PLXND1: variants seen among roughly 807,000 people sequenced by gnomAD.
The protein encoded by PLXND1 is plexin D1.
In PLXND1, 54 loss-of-function variants were observed where a neutral mutation model predicts 197.7. The ratio of observed to expected loss-of-function variants is 0.27; its 90% CI spans 0.22 to 0.34. The LOEUF (loss-of-function observed/expected upper bound fraction) is 0.34. Among genes scored for constraint, PLXND1 ranks in the 10% least tolerant of loss-of-function variants. The pLI is 1.00. For missense variants in PLXND1, 2,127 were observed against 2,699.2 expected, an observed-to-expected ratio of 0.79 and a Z score of 4.70; for synonymous variants, 1,180 against 1,161.2, an observed-to-expected ratio of 1.02 and a Z score of -0.33.
At chr3:129,574,513 G>C (rs532708409) in intron 11 of PLXND1, 23 bp from the exon 12 acceptor site, 2 of 1,607,546 alleles carry the variant, frequency 1.2e-6, no homozygotes, top group African/African-American at 1.3e-5. Context: ...GGGGCAGCTC[G>C]GTCAGCCCCG....
chr3:129,589,214 A>C, intron 2 of PLXND1, 137 bp downstream of exon 2: 1 of 696,530 alleles, frequency 1.4e-6, no homozygotes, highest in South Asian at 1.9e-5. Flanking sequence ...TGTAAACTGT[A>C]AAGTGCTAGG....
intron 27 of PLXND1, chr3:129,562,404 G>T (rs1157860885): frequency 4.3e-6 from 1 of 234,282 alleles, no homozygotes; most frequent in African/African-American, 2.2e-5. Flanking sequence ...CAGCTACTCA[G>T]GAGGCTGAAA....
intron 1 of PLXND1, among the ~76,000 whole-genome samples, chr3:129,598,183 T>G (rs990784153): frequency 6.6e-6 from 1 of 152,130 alleles, no homozygotes; most frequent in African/African-American, 2.4e-5. Context: ...CATTCCAACA[T>G]CTCTGAGCCT....
chr3:129,595,921 G>GCGCGCGCGCACACACACACA lies in PLXND1; in HGVS notation c.1312-6395_1312-6394insTGTGTGTGTGTGCGCGCGCG. 2.0e-5 allele frequency among the ~76,000 whole-genome samples: 3 copies of GCGCGCGCGCACACACACACA among 146,514 alleles called. No homozygotes were observed. In the South Asian group the frequency reaches 6.6e-4, roughly 32 times the overall value. ...CTTACAGCCCTGGGGGTGCACGCAC[G>GCGCGCGCGCACACACACACA]CACACACACACACACACACACACAC... On this transcript the variant is annotated intron_variant, in intron 1 of 35. Transcript: ENST00000324093.
At position 129,605,507 on chromosome 3, in the gene PLXND1, G is replaced by A. The variant is rs2085775957; in HGVS notation, c.1133C>T (p.Ser378Phe). 3 of 1,497,392 alleles carry A rather than the reference G, an allele frequency of 2.0e-6. No homozygotes were observed. The highest frequency in any genetic ancestry group is 2.7e-5 in the East Asian group (1 of 36,934). 92.8% of individuals were successfully genotyped at this position (1,497,392 alleles called of 1,614,324 possible). A position where few individuals can be genotyped will look rare whatever the true frequency, so the allele number is the denominator to read the frequency against. ...LFAVFERPQGSPAARAAPAAL... is the reference protein window; with the variant it reads ...LFAVFERPQGFPAARAAPAAL... ...GGCCGGAGCAGCGCGGGCCGCGGGG[G>A]ACCCCTGGGGCCGCTCGAAGACAGC... Residue 378 changes from serine (S) to phenylalanine (F), a missense_variant, in exon 1 of 36, where the codon TCC (serine) becomes TTC (phenylalanine). Physicochemically the swap from Ser to Phe is radical, Grantham distance 155 (BLOSUM62 -2). Coordinates refer to ENST00000324093, the MANE Select transcript of PLXND1 (RefSeq NM_015103.3).
At chr3:129,579,844 C>T (rs909933541) in intron 8 of PLXND1, among the ~76,000 whole-genome samples, 1 of 152,170 alleles carries the variant, frequency 6.6e-6, no homozygotes, top group East Asian at 1.9e-4. Flanking sequence ...TATTCTACAC[C>T]AGATGAGAGC....
chr3:129,582,072 C>T (rs2085395461), intron 8 of PLXND1, among the ~76,000 whole-genome samples: 1 of 152,264 alleles, frequency 6.6e-6, no homozygotes, highest in Admixed American at 6.5e-5. Context: ...TTTCACTGCA[C>T]CGACTCCACT....
Position 129,605,969 on chromosome 3 carries a change from T to G in PLXND1, c.671A>C (p.Asn224Thr), listed in dbSNP as rs771848852. The change falls in exon 1 of 36, where the codon AAC (asparagine) becomes ACC (threonine). Residue 224 changes from asparagine (N) to threonine (T), a missense_variant. Asn to Thr is a moderately conservative substitution (Grantham distance 65). Transcript: ENST00000324093. ...TGYGSSFFPRNRSLEDHRFEN... is the reference protein window; with the variant it reads ...TGYGSSFFPRTRSLEDHRFEN... ...GAAGCGGTGGTCCTCCAGGCTGCGGTTGCGCGGGAAGAAGGAGCTGCCGTA... is the reference window on the plus strand; with the variant it reads ...GAAGCGGTGGTCCTCCAGGCTGCGGGTGCGCGGGAAGAAGGAGCTGCCGTA... The G allele has an allele frequency of 4.3e-6, 7 of 1,611,556 alleles. No individual in the cohort carries two copies. In the South Asian group the frequency reaches 7.7e-5, roughly 18 times the overall value.
chr3:129,589,315 CCCCCACCCCCT>C, intron 2 of PLXND1, 25 bp downstream of exon 2: 1 of 605,724 alleles, frequency 1.7e-6, no homozygotes, highest in Non-Finnish European at 2.9e-6. Context: ...GAGCCTCCCA[CCCCCACCCCCT>C]CCCCACATCC....
chr3:129,601,121 C>T (rs994026826), intron 1 of PLXND1, among the ~76,000 whole-genome samples: 1 of 152,180 alleles, frequency 6.6e-6, no homozygotes, highest in Non-Finnish European at 1.5e-5. Context: ...AACTGGCTTG[C>T]ACTCCAAACA....
At chr3:129,556,741 G>T in intron 34 of PLXND1, 50 bp from the exon 35 acceptor site, 1 of 1,373,970 alleles carries the variant, frequency 7.3e-7, no homozygotes. Flanking sequence ...TCAAAGCTGA[G>T]CCTAGTCCCA....
rs181182268 is a variant in PLXND1 at position 129,563,150 on chromosome 3, G to A, written c.4612C>T (p.Arg1538Cys). 5 of 1,612,220 alleles carry A rather than the reference G, an allele frequency of 3.1e-6. No homozygotes were observed. The highest frequency in any genetic ancestry group is 1.7e-5 in the Admixed American group (1 of 59,414). Reference protein sequence around the residue: ...GSIDAITGKARYTLSEEWLLR... With the variant: ...GSIDAITGKACYTLSEEWLLR... ...AGCCACTCCTCACTGAGTGTGTAGC[G>A]GGCCTTGCCTGTGATGGCGTCGATG... is the stretch of plus-strand genomic sequence containing the variant. The change falls in exon 26 of 36, where the codon CGC becomes TGC. Residue 1538 changes from arginine to cysteine, a missense_variant. Physicochemically the swap from Arg to Cys is radical, Grantham distance 180. Coordinates refer to ENST00000324093, the MANE Select transcript of PLXND1 (RefSeq NM_015103.3).
intron 2 of PLXND1, 42 bp downstream of exon 2, chr3:129,589,309 C>CGGGGGGGG: frequency 1.6e-6 from 1 of 643,998 alleles, no homozygotes; most frequent in Non-Finnish European, 2.8e-6. Flanking sequence ...CCAGGGGAGC[C>CGGGGGGGG]TCCCACCCCC....
Position 129,587,741 on chromosome 3 carries a change from A to T in PLXND1, c.1489-1022T>A, listed in dbSNP as rs574391318. ...CCCCAGCTTTATCTCCACCCCCTCA[A>T]CCCTGCTCACACATTCCAGCCTCCA... is the stretch of plus-strand genomic sequence containing the variant. On this transcript the variant is annotated intron_variant, in intron 2 of 35. Transcript: ENST00000324093. Among the ~76,000 whole-genome samples, 3 of 151,872 alleles carry T rather than the reference A, an allele frequency of 2.0e-5. No individual in the cohort carries two copies. The South Asian group carries it at 6.3e-4, about 32-fold the overall frequency.
chr3:129,572,646 C>T lies in PLXND1; in HGVS notation c.3040G>A (p.Val1014Ile). 2 of 1,598,754 alleles carry T rather than the reference C, an allele frequency of 1.3e-6. No individual in the cohort carries two copies. The highest frequency in any genetic ancestry group is 1.7e-6 in the Non-Finnish European group (2 of 1,172,330). Residue 1014 changes from valine to isoleucine, a missense_variant, in exon 15 of 36, where the codon GTC becomes ATC. This residue lies in a region of PLXND1 where 1,095 missense variants were observed against 1,259.8 expected (regional missense o/e 0.87). Coordinates refer to ENST00000324093, the MANE Select transcript of PLXND1 (RefSeq NM_015103.3). The part of the protein sequence containing the change: ...NDLHVGSELQ[V>I]LVNDTDPCTE... ...CAGGGGTCTGTGTCGTTCACCAGGA[C>T]CTGGAGCTCGGAGCCTACATGGAGG...
At chr3:129,583,354 G>A (rs2085411441) in intron 8 of PLXND1, among the ~76,000 whole-genome samples, 1 of 152,096 alleles carries the variant, frequency 6.6e-6, no homozygotes, top group Non-Finnish European at 1.5e-5. Context: ...ATAGTGCCCT[G>A]GCTATATCAA....
At chr3:129,603,087 C>G (rs1353383025) in intron 1 of PLXND1, among the ~76,000 whole-genome samples, 1 of 152,234 alleles carries the variant, frequency 6.6e-6, no homozygotes, top group Non-Finnish European at 1.5e-5. Context: ...GACCGGGGAC[C>G]TTGAGCACCT....
intron 1 of PLXND1, among the ~76,000 whole-genome samples, chr3:129,592,113 C>T (rs961250336): frequency 4.6e-5 from 7 of 152,140 alleles, no homozygotes; most frequent in African/African-American, 7.2e-5. Context: ...CCCCCCCACC[C>T]GAGAGCTGCA....
At chr3:129,566,277 G>C (rs1211101182) in intron 23 of PLXND1, 3 of 596,818 alleles carry the variant, frequency 5.0e-6, no homozygotes, top group Admixed American at 5.8e-5. Context: ...TTTCTAAGCA[G>C]GTTGAGTGGG....
Sources: allele counts gnomAD v4.1 joint callset (sites outside exome capture counted in the v4.1 genomes callset), GRCh38; gene constraint gnomAD v4.1.1; regional missense constraint gnomAD v4.1.1; transcripts MANE v1.5; gene names NCBI Gene and HGNC (gene_info 2026-07-23, HGNC 2026-07-21).